Variants in ACSM1 observed in about 807,000 individuals in gnomAD.
ACSM1 encodes acyl-coenzyme A synthetase ACSM1, mitochondrial.
In ACSM1, 79 loss-of-function variants were observed where a neutral mutation model predicts 75.8. That is an observed-to-expected ratio of 1.04 (90% CI 0.87 to 1.26). ACSM1 has a LOEUF of 1.26. Among genes scored for constraint, ACSM1 ranks in the 50% most tolerant of loss-of-function variants. The pLI, the probability that ACSM1 is intolerant of heterozygous loss-of-function variation, is 0.00. For missense variants in ACSM1, 676 were observed against 720.1 expected (o/e 0.94, Z 0.70); for synonymous variants, 279 against 265.8 (o/e 1.05, Z -0.48).
intron 8 of ACSM1, 114 bp from the exon 9 acceptor site, chr16:20,637,565 A>G (rs929527792): frequency 6.6e-5 from 63 of 955,550 alleles, no homozygotes; most frequent in Non-Finnish European, 1.0e-4. Flanking sequence ...CTCTCAATGG[A>G]TGCTGCCCAA....
chr16:20,659,370 A>T (rs986680745), intron 7 of ACSM1, among the ~76,000 whole-genome samples: 25 of 152,078 alleles, frequency 1.6e-4, no homozygotes, highest in African/African-American at 5.8e-4. Flanking sequence ...TGTGCATTCT[A>T]TGGAATGCTT....
intron 4 of ACSM1, among the ~76,000 whole-genome samples, chr16:20,675,708 T>G (rs2020238080): frequency 6.6e-6 from 1 of 152,186 alleles, no homozygotes; most frequent in Non-Finnish European, 1.5e-5. Flanking sequence ...TATAGGTAAA[T>G]TGGCTGTGTG....
intron 10 of ACSM1, among the ~76,000 whole-genome samples, chr16:20,635,256 A>T (rs990278287): frequency 6.6e-6 from 1 of 152,116 alleles, no homozygotes; most frequent in Non-Finnish European, 1.5e-5. Context: ...TTAGCTGGGC[A>T]TGGTGGTACC....
intron 7 of ACSM1, among the ~76,000 whole-genome samples, chr16:20,643,133 G>A (rs936900086): frequency 6.6e-6 from 1 of 152,204 alleles, no homozygotes; most frequent in South Asian, 2.1e-4. Context: ...GTGGAAGCTG[G>A]TTCCAGGCAA....
intron 4 of ACSM1, chr16:20,676,047 T>G (rs2020256942): frequency 6.6e-6 from 1 of 152,220 alleles, no homozygotes; most frequent in Non-Finnish European, 1.5e-5. Context: ...CCTCCCTACA[T>G]TCCAATCTAC....
In ACSM1 at chr16:20,636,967, G is replaced by T. The variant is rs1166701733; in HGVS notation, c.1198-127C>A. ...AATAACAGAGGAAACATCAGAAAATGGAATAAAACTGTCAAAAGCCTTTAA... is the reference window on the plus strand; with the variant it reads ...AATAACAGAGGAAACATCAGAAAATTGAATAAAACTGTCAAAAGCCTTTAA... On this transcript the variant is annotated intron_variant, in intron 9 of 13. Coordinates refer to ENST00000520010, the MANE Select transcript of ACSM1 (RefSeq NM_001318890.3). 8.3e-6 allele frequency: 6 copies of T among 723,564 alleles called. No individual in the cohort carries two copies. The East Asian group carries it at 1.3e-4, about 15-fold the overall frequency. 44.8% of individuals were successfully genotyped at this position (723,564 alleles called of 1,614,324 possible).
intron 5 of ACSM1, among the ~76,000 whole-genome samples, chr16:20,670,273 C>T (rs2019822456): frequency 1.3e-5 from 2 of 152,154 alleles, no homozygotes; most frequent in South Asian, 4.1e-4. Context: ...TGTCCAAGCC[C>T]CAAACTTTGG....
At chr16:20,625,149 T>A (rs891933129) in intron 12 of ACSM1, among the ~76,000 whole-genome samples, 3 of 152,192 alleles carry the variant, frequency 2.0e-5, no homozygotes, top group Non-Finnish European at 4.4e-5. Context: ...CTGCTTCTCT[T>A]TCCTCATCTA....
At chr16:20,668,251 G>GT (rs1326101912) in intron 6 of ACSM1, among the ~76,000 whole-genome samples, 4 of 152,172 alleles carry the variant, frequency 2.6e-5, no homozygotes, top group African/African-American at 9.7e-5. Flanking sequence ...CATAAAAATA[G>GT]TAAGTGGGAA....
intron 9 of ACSM1, 94 bp downstream of exon 9, chr16:20,637,277 G>A (rs768335458): frequency 1.2e-5 from 12 of 960,014 alleles, no homozygotes; most frequent in Non-Finnish European, 1.9e-5. Flanking sequence ...GATGACTGGA[G>A]CAGGGAAGTG....
In ACSM1 at chr16:20,682,201, A is replaced by C. The variant is rs920880885; in HGVS notation, c.611+55T>G. ...ACCCCACTGGTCTCTCTGATTCCTA[A>C]ATTATCCCACAACAACTGTACTCAG... On this transcript the variant is annotated intron_variant, in intron 4 of 13. Coordinates refer to ENST00000520010, the MANE Select transcript of ACSM1 (RefSeq NM_001318890.3). 3 of 1,569,422 alleles carry C rather than the reference A, an allele frequency of 1.9e-6. No individual in the cohort carries two copies. The African/African-American group carries it at 4.1e-5, about 21-fold the overall frequency.
chr16:20,626,672 A>C (rs1178767188), intron 11 of ACSM1, among the ~76,000 whole-genome samples: 1 of 151,760 alleles, frequency 6.6e-6, no homozygotes, highest in Non-Finnish European at 1.5e-5. Flanking sequence ...CATAGTAAGT[A>C]CTCCAGGTTA....
chr16:20,685,844 A>C (rs1464236756), intron 2 of ACSM1, among the ~76,000 whole-genome samples: 1 of 123,118 alleles, frequency 8.1e-6, no homozygotes, highest in East Asian at 3.1e-4. Context: ...AACAAAAAAA[A>C]AACAAAAAAC....
chr16:20,690,099 A>T (rs1375764167), intron 2 of ACSM1, among the ~76,000 whole-genome samples: 2 of 152,240 alleles, frequency 1.3e-5, no homozygotes, highest in East Asian at 1.9e-4. Flanking sequence ...TTCAGAGAAA[A>T]GAAAAAGAAG....
intron 4 of ACSM1, among the ~76,000 whole-genome samples, chr16:20,677,423 T>A (rs1220594954): frequency 6.6e-6 from 1 of 152,162 alleles, no homozygotes; most frequent in African/African-American, 2.4e-5. Flanking sequence ...GGCCTCCTTG[T>A]TTTAAAGCAA....
At position 20,651,011 on chromosome 16, in the gene ACSM1, T is replaced by C. The variant is rs541715412; in HGVS notation, c.993-10427A>G. 1.2e-4 allele frequency among the ~76,000 whole-genome samples: 17 copies of C among 147,294 alleles called. No individual in the cohort carries two copies. The East Asian group carries it at 3.3e-3, about 28-fold the overall frequency. ...GGCTAAAGTACTGAAGTAATAGCTATGGGAACTTTTTGTGTGTGTGTGCAT... is the reference window on the plus strand; with the variant it reads ...GGCTAAAGTACTGAAGTAATAGCTACGGGAACTTTTTGTGTGTGTGTGCAT... On this transcript the variant is annotated intron_variant, in intron 7 of 13. Transcript: ENST00000520010.
At chr16:20,675,726 G>A (rs973631921) in intron 4 of ACSM1, among the ~76,000 whole-genome samples, 2 of 152,168 alleles carry the variant, frequency 1.3e-5, no homozygotes, top group Non-Finnish European at 2.9e-5. Flanking sequence ...GTGTTTTAAG[G>A]TAGTGACTAG....
In ACSM1 at chr16:20,669,996, A is replaced by G; in HGVS notation, c.753-10T>C. On this transcript the variant is annotated splice_polypyrimidine_tract_variant and intron_variant, in intron 5 of 13. Coordinates refer to ENST00000520010, the MANE Select transcript of ACSM1 (RefSeq NM_001318890.3). The stretch of plus-strand genomic sequence containing the variant: ...GCTCCGTAATTTCCTACTAACTCCA[A>G]AATGCAGTGGCCTCAGCTGTGTGAT... 3.1e-6 allele frequency: 5 copies of G among 1,613,282 alleles called. No homozygotes were observed. Among genetic ancestry groups the G allele is most frequent in the Non-Finnish European group, 4.2e-6 (5 of 1,179,632 alleles).
intron 10 of ACSM1, among the ~76,000 whole-genome samples, chr16:20,628,099 G>A (rs1004584754): frequency 2.6e-5 from 4 of 151,520 alleles, no homozygotes; most frequent in Non-Finnish European, 4.4e-5. Flanking sequence ...GAAAGCCTAT[G>A]AGTCTAGTAT....
Sources: gnomAD v4.1 joint callset for allele counts (sites outside exome capture counted in the v4.1 genomes callset) on GRCh38, gnomAD v4.1.1 for gene constraint, MANE v1.5 for transcripts, NCBI Gene and HGNC (gene_info 2026-07-23, HGNC 2026-07-21) for gene names.